Variants in LOC112694756 observed in about 807,000 individuals in gnomAD.
chr16:30,068,670 G>C, the LOC112694756 span: 11 of 1,614,068 alleles, frequency 6.8e-6, no homozygotes, highest in Middle Eastern at 1.6e-4. Context: ...GGTCCCCCTG[G>C]CAGGGACAAA....
the LOC112694756 span, among the ~76,000 whole-genome samples, chr16:30,057,369 C>T: frequency 6.6e-6 from 1 of 152,128 alleles, no homozygotes; most frequent in Non-Finnish European, 1.5e-5. Context: ...AGCCTTGCAT[C>T]GCAAATAGCT....
chr16:30,058,472 C>CTTCTTTTTTTTTTCTTTT, the LOC112694756 span, among the ~76,000 whole-genome samples: 1 of 151,732 alleles, frequency 6.6e-6, no homozygotes, highest in African/African-American at 2.4e-5. Context: ...GCCTGCTCTG[C>CTTCTTTTTTTTTTCTTTT]TTCTTTTTTT....
chr16:30,062,673 C>T, the LOC112694756 span, among the ~76,000 whole-genome samples: 3 of 149,962 alleles, frequency 2.0e-5, no homozygotes, highest in South Asian at 6.3e-4. Context: ...GAAACCCTGT[C>T]TCTACTAAAA....
the LOC112694756 span, among the ~76,000 whole-genome samples, chr16:30,060,995 A>G: frequency 1.3e-3 from 200 of 152,174 alleles, 5 homozygotes; most frequent in Admixed American, 5.9e-4. Flanking sequence ...TCATTCCCCT[A>G]TTCCTGGCTT....
chr16:30,059,060 G>C, the LOC112694756 span: 1 of 398,376 alleles, frequency 2.5e-6, no homozygotes, highest in Non-Finnish European at 4.4e-6. Context: ...GCAGGTATAG[G>C]ACTTAAAAGG....
At chr16:30,063,834 C>T in the LOC112694756 span, 7 of 399,150 alleles carry the variant, frequency 1.8e-5, no homozygotes, top group Non-Finnish European at 2.7e-5. Context: ...CGAGATCAAG[C>T]TCCGATGAGG....
At chr16:30,068,138 C>T in the LOC112694756 span, 1 of 255,154 alleles carries the variant, frequency 3.9e-6, no homozygotes. Flanking sequence ...TCTCTTGGCT[C>T]ACTGCAAGTT....
the LOC112694756 span, chr16:30,068,623 T>C: frequency 1.2e-6 from 2 of 1,613,748 alleles, no homozygotes; most frequent in African/African-American, 1.3e-5. Flanking sequence ...TGTGTCTTAA[T>C]GTTGTTACCC....
chr16:30,067,769 T>TGGAG, the LOC112694756 span: 1 of 1,307,840 alleles, frequency 7.6e-7, no homozygotes, highest in Non-Finnish European at 1.1e-6. Context: ...GAGACTTGCA[T>TGGAG]GGAGCCTGCT....
chr16:30,066,802 C>A, the LOC112694756 span: 1 of 1,442,476 alleles, frequency 6.9e-7, no homozygotes, highest in Non-Finnish European at 9.3e-7. Flanking sequence ...CATATCTGGG[C>A]CCTTTCCCAC....
At chr16:30,056,122 T>G in the LOC112694756 span, among the ~76,000 whole-genome samples, 2 of 148,154 alleles carry the variant, frequency 1.3e-5, no homozygotes, top group African/African-American at 5.0e-5. Context: ...TTTTTTTTTT[T>G]TTTTTGAGAC....
the LOC112694756 span, chr16:30,065,789 C>CGGGCAGGCG: frequency 2.6e-5 from 4 of 152,780 alleles, no homozygotes; most frequent in Non-Finnish European, 5.9e-5. Context: ...CCTTCCGAGG[C>CGGGCAGGCG]TAAATCGGCT....
chr16:30,066,036 C>T, the LOC112694756 span: 3 of 153,048 alleles, frequency 2.0e-5, no homozygotes, highest in African/African-American at 2.4e-5. Flanking sequence ...ATGCCAGCGT[C>T]TCCCCACTAC....
the LOC112694756 span, among the ~76,000 whole-genome samples, chr16:30,056,460 C>T: frequency 6.6e-6 from 1 of 152,078 alleles, no homozygotes; most frequent in Admixed American, 6.6e-5. Flanking sequence ...TTTACAAACC[C>T]GCTCTCTATC....
the LOC112694756 span, chr16:30,055,218 G>T: frequency 7.5e-6 from 3 of 399,486 alleles, no homozygotes; most frequent in East Asian, 7.1e-5. Flanking sequence ...AGGAAGCAAG[G>T]TTCCTCCGGG....
chr16:30,054,685 C>T, the LOC112694756 span: 5 of 398,374 alleles, frequency 1.3e-5, no homozygotes, highest in South Asian at 1.4e-4. Flanking sequence ...ATCTGGTGGC[C>T]GTTCCTCTCC....
chr16:30,068,096 G>A, the LOC112694756 span: 5 of 215,246 alleles, frequency 2.3e-5, no homozygotes, highest in African/African-American at 1.1e-4. Flanking sequence ...ATGGAGTCTC[G>A]CTGTCTCCCA....
the LOC112694756 span, chr16:30,065,626 G>A: frequency 6.6e-6 from 1 of 152,228 alleles, no homozygotes; most frequent in Non-Finnish European, 1.5e-5. Context: ...CGCGGCCTCT[G>A]GGCTGCGCCT....
At chr16:30,065,624 C>G in the LOC112694756 span, 1 of 152,236 alleles carries the variant, frequency 6.6e-6, no homozygotes, top group Non-Finnish European at 1.5e-5. Context: ...AGCGCGGCCT[C>G]TGGGCTGCGC....
Sources: gnomAD v4.1 joint callset for allele counts (sites outside exome capture counted in the v4.1 genomes callset) on GRCh38, gnomAD v4.1.1 for gene constraint, MANE v1.5 for transcripts.